The following PRRX2 variants were observed in gnomAD, a reference collection of about 807,000 sequenced individuals.
PRRX2 encodes the protein paired mesoderm homeobox protein 2.
PRRX2 carries 11 observed loss-of-function variants against 18.0 expected under a neutral mutation model. That is an observed-to-expected ratio of 0.61 (90% CI 0.39 to 1.01). The LOEUF (loss-of-function observed/expected upper bound fraction) is 1.01, where lower values mean the gene tolerates loss of function less well. Ranked by LOEUF, PRRX2 falls within the 50% of genes least tolerant of loss-of-function variation. The pLI is 0.01. For missense variants in PRRX2, 387 were observed against 351.0 expected (o/e 1.10, Z -0.82); for synonymous variants, 177 against 154.8 (o/e 1.14, Z -1.06).
At position 129,675,337 on chromosome 9, in the gene PRRX2, G is replaced by C. The variant is rs1337455701; in HGVS notation, c.259+9211G>C. 6.6e-6 allele frequency among the ~76,000 whole-genome samples: 1 copy of C among 152,154 alleles called. No homozygotes were observed. The highest frequency in any genetic ancestry group is 1.5e-5 in the Non-Finnish European group (1 of 68,004). ...GGCAGCCCAGGGGCGTGGAATGCAG[G>C]GGTGATGTGATAGGGACGATTCCTG... On this transcript the variant is annotated intron_variant, in intron 1 of 3. Transcript: ENST00000372469. This position sits in a 1 kb window ranked among gnomAD's most constrained non-coding sequence, Gnocchi z 4.4.
chr9:129,711,952 C>T (rs1291527086), intron 1 of PRRX2, among the ~76,000 whole-genome samples: 1 of 152,150 alleles, frequency 6.6e-6, no homozygotes, highest in Non-Finnish European at 1.5e-5. Flanking sequence ...CCTGTCTGAG[C>T]CCTTCTCCCA....
In PRRX2 at chr9:129,695,844, C is replaced by T. The variant is rs1832414067; in HGVS notation, c.260-23387C>T. Among the ~76,000 whole-genome samples, 1 of 152,154 alleles carries T rather than the reference C, an allele frequency of 6.6e-6. No individual in the cohort carries two copies. The highest frequency in any genetic ancestry group is 2.4e-5 in the African/African-American group (1 of 41,430). ...AGCCCCCACAAGTGAATTCAGAGAG[C>T]ATTAACGGGAAAGTTCTAAACAGAA... On this transcript the variant is annotated intron_variant, in intron 1 of 3. Transcript: ENST00000372469. This position sits in a 1 kb window ranked among gnomAD's most constrained non-coding sequence, Gnocchi z 4.8.
chr9:129,702,105 C>T (rs1405763611), intron 1 of PRRX2, among the ~76,000 whole-genome samples: 1 of 137,860 alleles, frequency 7.3e-6, no homozygotes, highest in Non-Finnish European at 1.6e-5. Flanking sequence ...CGTCTCAAAA[C>T]TTTCTACGAC....
At chr9:129,691,704 G>T (rs1406028225) in intron 1 of PRRX2, among the ~76,000 whole-genome samples, 2 of 149,450 alleles carry the variant, frequency 1.3e-5, no homozygotes, top group African/African-American at 2.5e-5. Context: ...TTTGAGACAG[G>T]GTCTAGCTCT....
intron 1 of PRRX2, among the ~76,000 whole-genome samples, chr9:129,682,610 AG>A (rs1832247510): frequency 1.3e-5 from 2 of 152,080 alleles, no homozygotes; most frequent in African/African-American, 4.8e-5. Flanking sequence ...TGGAGGGAGG[AG>A]GGCAGGGAGT....
At chr9:129,679,561 G>A (rs1486101893) in intron 1 of PRRX2, among the ~76,000 whole-genome samples, 2 of 152,198 alleles carry the variant, frequency 1.3e-5, no homozygotes, top group African/African-American at 4.8e-5. Context: ...AGTACGTGGG[G>A]GCACCAGGCC....
intron 1 of PRRX2, among the ~76,000 whole-genome samples, chr9:129,678,114 C>T (rs950371614): frequency 7.2e-5 from 11 of 152,046 alleles, no homozygotes; most frequent in African/African-American, 2.7e-4. Flanking sequence ...CAGGCACGTA[C>T]CACCATGCCT....
intron 1 of PRRX2, among the ~76,000 whole-genome samples, chr9:129,689,551 G>A (rs1832334062): frequency 6.6e-6 from 1 of 152,074 alleles, no homozygotes; most frequent in Non-Finnish European, 1.5e-5. Flanking sequence ...GTGGTCCCTG[G>A]CCATAGGGCT....
intron 1 of PRRX2, among the ~76,000 whole-genome samples, chr9:129,700,951 G>A (rs1476445136): frequency 6.6e-6 from 1 of 152,200 alleles, no homozygotes; most frequent in Non-Finnish European, 1.5e-5. Flanking sequence ...GGCCTGTTCT[G>A]ACCAACTTGG....
intron 2 of PRRX2, among the ~76,000 whole-genome samples, chr9:129,720,130 G>C (rs1832769897): frequency 6.6e-6 from 1 of 151,974 alleles, no homozygotes; most frequent in South Asian, 2.1e-4. Context: ...CGAGTGCTCA[G>C]CAAGCGCCTC....
intron 1 of PRRX2, among the ~76,000 whole-genome samples, chr9:129,697,100 C>T (rs1832435637): frequency 6.6e-6 from 1 of 152,242 alleles, no homozygotes; most frequent in African/African-American, 2.4e-5. Context: ...CCCGGCCTGG[C>T]CCTTAGCCTT....
In PRRX2 at chr9:129,666,064, G is replaced by T. The variant is rs1052121052; in HGVS notation, c.197G>T (p.Arg66Leu). ...CGCCCCGGGGCCAGGGCCGAGGCGC[G>T]GGAGGGCGCAGCACGGGAGCCGTCC... ...AARPGARAEA[R>L]EGAAREPSGG... Residue 66 changes from arginine to leucine, a missense_variant, in exon 1 of 4, where the codon CGG becomes CTG. Coordinates refer to ENST00000372469, the MANE Select transcript of PRRX2 (RefSeq NM_016307.4). The T allele has an allele frequency of 2.9e-6, 3 of 1,043,312 alleles. No individual in the cohort carries two copies. The highest frequency in any genetic ancestry group is 1.1e-4 in the Admixed American group (2 of 17,674). 64.6% of individuals were successfully genotyped at this position (1,043,312 alleles called of 1,614,324 possible).
chr9:129,682,889 G>C (rs1832251494), intron 1 of PRRX2, among the ~76,000 whole-genome samples: 1 of 151,804 alleles, frequency 6.6e-6, no homozygotes, highest in Admixed American at 6.6e-5. Context: ...CGGATCACCT[G>C]AGGTCAGGTG....
intron 1 of PRRX2, among the ~76,000 whole-genome samples, chr9:129,698,608 C>T (rs921129461): frequency 6.6e-6 from 1 of 152,186 alleles, no homozygotes; most frequent in Non-Finnish European, 1.5e-5. Context: ...CCCTGCTAGG[C>T]GCGTGTGGGC....
intron 1 of PRRX2, among the ~76,000 whole-genome samples, chr9:129,673,396 G>C (rs1832123872): frequency 6.6e-6 from 1 of 152,166 alleles, no homozygotes; most frequent in Non-Finnish European, 1.5e-5. Context: ...GTTCGAGGCT[G>C]CAGTGAGCTG....
chr9:129,689,753 C>T (rs1210917266), intron 1 of PRRX2, among the ~76,000 whole-genome samples: 3 of 148,076 alleles, frequency 2.0e-5, no homozygotes, highest in Non-Finnish European at 4.4e-5. Context: ...TCTTATTTTG[C>T]TTATTTATTT....
chr9:129,676,517 G>T (rs956131640), intron 1 of PRRX2, among the ~76,000 whole-genome samples: 1 of 152,176 alleles, frequency 6.6e-6, no homozygotes, highest in African/African-American at 2.4e-5. Flanking sequence ...CTTGCCCAAG[G>T]TCACACAGGG....
rs1325650975 is a variant in PRRX2 at position 129,715,427 on chromosome 9, A to C, written c.260-3804A>C. Among the ~76,000 whole-genome samples the C allele has an allele frequency of 1.3e-5, 2 of 152,034 alleles. No homozygotes were observed. Among genetic ancestry groups the C allele is most frequent in the South Asian group, 4.1e-4 (2 of 4,824 alleles). ...GGCAACATAGTAAGACCTCATCTCT[A>C]CATTAAAATAAAAATCAGCTGGGCA... On this transcript the variant is annotated intron_variant, in intron 1 of 3. Transcript: ENST00000372469. This position sits in a 1 kb window ranked among gnomAD's most constrained non-coding sequence, Gnocchi z 4.0.
intron 1 of PRRX2, among the ~76,000 whole-genome samples, chr9:129,704,946 T>C (rs1832538993): frequency 6.6e-6 from 1 of 152,166 alleles, no homozygotes; most frequent in African/African-American, 2.4e-5. Context: ...TTCATCGTGG[T>C]CTGGAAACAG....
Sources: gnomAD v4.1 joint callset for allele counts (sites outside exome capture counted in the v4.1 genomes callset) on GRCh38, gnomAD v4.1.1 for gene constraint, Gnocchi (gnomAD v3.1) non-coding constraint, MANE v1.5 for transcripts, NCBI Gene and HGNC (gene_info 2026-07-23, HGNC 2026-07-21) for gene names.